The following APBA2 variants were observed in gnomAD, a reference collection of about 807,000 sequenced individuals.
APBA2 encodes the protein amyloid-beta A4 precursor protein-binding family A member 2.
Under a neutral mutation model 75.0 loss-of-function variants are expected in APBA2, and 30 were observed. The observed-to-expected ratio is 0.40, with a 90% CI of 0.30 to 0.54. APBA2 has a LOEUF of 0.54. Among genes scored for constraint, APBA2 ranks in the 20% least tolerant of loss-of-function variants. The pLI is 0.49. For synonymous variants in APBA2, 444 were observed against 409.6 expected, an observed-to-expected ratio of 1.08 and a Z score of -1.01; for missense variants, 801 against 1,016.1, an observed-to-expected ratio of 0.79 and a Z score of 2.88.
chr15:28,956,389 G>T (rs1039909855), intron 2 of APBA2, among the ~76,000 whole-genome samples: 1 of 152,108 alleles, frequency 6.6e-6, no homozygotes, highest in Admixed American at 6.5e-5. Flanking sequence ...AGGCGTGGAG[G>T]CTGGACAGAT....
chr15:29,097,359 C>G lies in APBA2; in HGVS notation c.1252-1131C>G, dbSNP rs1054763009. The stretch of plus-strand genomic sequence containing the variant: ...TCCCGCCCCATCTCGGTCAAGCTCC[C>G]GGGGGCTGGCCCTCCTCCCTCCCAG... On this transcript the variant is annotated intron_variant, in intron 8 of 14. Coordinates refer to ENST00000683413, the MANE Select transcript of APBA2 (RefSeq NM_001353788.2). Among the ~76,000 whole-genome samples, 3 of 152,356 alleles carry G rather than the reference C, an allele frequency of 2.0e-5. No homozygotes were observed. The East Asian group carries it at 5.8e-4, about 29-fold the overall frequency.
chr15:28,935,418 G>A (rs150905217), intron 2 of APBA2, among the ~76,000 whole-genome samples: 173 of 152,342 alleles, frequency 1.1e-3, no homozygotes, highest in Middle Eastern at 6.8e-3. Flanking sequence ...AGGGCCAGCA[G>A]AGCTCACTGC....
chr15:29,089,330 TG>T (rs2043442490), intron 6 of APBA2, among the ~76,000 whole-genome samples: 1 of 152,240 alleles, frequency 6.6e-6, no homozygotes, highest in Admixed American at 6.5e-5. Flanking sequence ...GGTTGAGGAC[TG>T]GGTGGAACTG....
At chr15:29,022,605 C>A (rs7176481) in intron 3 of APBA2, among the ~76,000 whole-genome samples, 2 of 151,708 alleles carry the variant, frequency 1.3e-5, no homozygotes, top group Non-Finnish European at 2.9e-5. Context: ...TATGGTAAAT[C>A]ATTATAGATG....
chr15:29,029,934 G>T (rs1183631948), intron 3 of APBA2, among the ~76,000 whole-genome samples: 1 of 152,166 alleles, frequency 6.6e-6, no homozygotes, highest in Admixed American at 6.5e-5. Flanking sequence ...ATTGCTCAAC[G>T]CAGGACTCTC....
At chr15:29,066,954 C>G (rs1474613243) in intron 4 of APBA2, among the ~76,000 whole-genome samples, 1 of 152,144 alleles carries the variant, frequency 6.6e-6, no homozygotes, top group Non-Finnish European at 1.5e-5. Context: ...AAGCATAATA[C>G]TAACATCTGC....
chr15:29,007,566 G>A (rs921627683), intron 3 of APBA2, among the ~76,000 whole-genome samples: 3 of 152,070 alleles, frequency 2.0e-5, no homozygotes, highest in Admixed American at 2.0e-4. Flanking sequence ...ACGAACAAAG[G>A]GCTTGAATAA....
At chr15:28,972,951 T>C (rs2152754940) in intron 2 of APBA2, among the ~76,000 whole-genome samples, 1 of 152,380 alleles carries the variant, frequency 6.6e-6, no homozygotes, top group East Asian at 1.9e-4. Flanking sequence ...TGTGTAAACC[T>C]CAAATTAGCA....
chr15:28,981,136 T>C (rs947230925), intron 2 of APBA2, among the ~76,000 whole-genome samples: 9 of 152,142 alleles, frequency 5.9e-5, no homozygotes, highest in African/African-American at 2.2e-4. Flanking sequence ...GACTAAGTCC[T>C]CAAAAGCAAT....
intron 8 of APBA2, among the ~76,000 whole-genome samples, chr15:29,094,976 AG>A (rs2043779465): frequency 1.3e-5 from 2 of 150,762 alleles, no homozygotes; most frequent in African/African-American, 4.9e-5. Flanking sequence ...CTGAAGTGGG[AG>A]GAGCACTTGA....
At chr15:29,080,630 C>T (rs1453746033) in intron 6 of APBA2, among the ~76,000 whole-genome samples, 2 of 152,132 alleles carry the variant, frequency 1.3e-5, no homozygotes, top group African/African-American at 4.8e-5. Flanking sequence ...GGGAGGAATC[C>T]GAAAGCAGCC....
chr15:29,116,508 A>G (rs1024358780), intron 14 of APBA2, among the ~76,000 whole-genome samples: 9 of 151,744 alleles, frequency 5.9e-5, no homozygotes, highest in African/African-American at 1.5e-4. Context: ...GGCACCTGTA[A>G]TCCCAGCTAC....
chr15:28,962,565 C>G (rs995958792), intron 2 of APBA2, among the ~76,000 whole-genome samples: 6 of 150,548 alleles, frequency 4.0e-5, no homozygotes, highest in African/African-American at 1.5e-4. Context: ...GACTCCGTCT[C>G]AAAAAATAAT....
At chr15:29,070,107 C>A (rs1037662947) in intron 4 of APBA2, among the ~76,000 whole-genome samples, 8 of 151,902 alleles carry the variant, frequency 5.3e-5, no homozygotes, top group Non-Finnish European at 1.2e-4. Flanking sequence ...CAGTTACATT[C>A]GAATTTAGAC....
At chr15:29,068,903 T>C (rs1764295931) in intron 4 of APBA2, among the ~76,000 whole-genome samples, 1 of 152,222 alleles carries the variant, frequency 6.6e-6, no homozygotes, top group Admixed American at 6.5e-5. Flanking sequence ...TTTTAAAGTG[T>C]ACAATTCAGT....
At chr15:28,941,753 T>C (rs547984546) in intron 2 of APBA2, among the ~76,000 whole-genome samples, 74 of 152,182 alleles carry the variant, frequency 4.9e-4, no homozygotes, top group Middle Eastern at 3.4e-3. Context: ...TTTGTTTGTT[T>C]ATTTATTTAT....
At chr15:28,929,278 C>G (rs1030503815) in intron 2 of APBA2, among the ~76,000 whole-genome samples, 1 of 152,178 alleles carries the variant, frequency 6.6e-6, no homozygotes, top group African/African-American at 2.4e-5. Flanking sequence ...CACAAGACAG[C>G]CTGGCACATT....
At chr15:29,070,379 C>T (rs959264056) in intron 4 of APBA2, among the ~76,000 whole-genome samples, 4 of 152,354 alleles carry the variant, frequency 2.6e-5, no homozygotes, top group Admixed American at 1.3e-4. Context: ...TCCTCCCATT[C>T]ACAGGCCTGC....
intron 2 of APBA2, among the ~76,000 whole-genome samples, chr15:28,951,214 TGAA>T (rs1328849004): frequency 6.6e-6 from 1 of 152,224 alleles, no homozygotes; most frequent in Non-Finnish European, 1.5e-5. Flanking sequence ...TAAAATATAT[TGAA>T]GAATGTGCAT....
Sources: allele counts gnomAD v4.1 joint callset (sites outside exome capture counted in the v4.1 genomes callset), GRCh38; gene constraint gnomAD v4.1.1; transcripts MANE v1.5; gene names NCBI Gene and HGNC (gene_info 2026-07-23, HGNC 2026-07-21).